MAPK6: variants seen among roughly 807,000 people sequenced by gnomAD.
MAPK6 encodes ERK-3.
Under a neutral mutation model 59.3 loss-of-function variants are expected in MAPK6, and 19 were observed. The observed-to-expected ratio is 0.32, with a 90% CI of 0.22 to 0.47. MAPK6 has a LOEUF of 0.47. Ranked by LOEUF, MAPK6 falls within the 20% of genes least tolerant of loss-of-function variation. The pLI is 1.00. For missense variants in MAPK6, 724 were observed against 847.9 expected, an observed-to-expected ratio of 0.85 and a Z score of 1.81; for synonymous variants, 316 against 290.3, an observed-to-expected ratio of 1.09 and a Z score of -0.90.
intron 2 of MAPK6, among the ~76,000 whole-genome samples, chr15:51,999,735 C>T (rs548339572): frequency 1.3e-5 from 2 of 152,284 alleles, no homozygotes; most frequent in African/African-American, 4.8e-5. Context: ...CCTCCACCTC[C>T]TGGGCTTAAG....
Position 52,066,949 on chromosome 15 carries a change from G to A in MAPK6, c.*1949G>A, listed in dbSNP as rs2032440205. The A allele has an allele frequency of 6.6e-6, 1 of 152,192 alleles. No homozygotes were observed. The highest frequency in any genetic ancestry group is 2.4e-5 in the African/African-American group (1 of 41,440). The allele number at this position is 152,192 out of a possible 1,614,324, so 9.4% of individuals were successfully genotyped here. On this transcript the variant is annotated 3_prime_UTR_variant, in exon 6 of 6. Coordinates refer to ENST00000261845, the MANE Select transcript of MAPK6 (RefSeq NM_002748.4). ...GGACACTTTTAGTTGGAGCTGGGTG[G>A]GGTGACAAGTGCAGAGGCTTTGAGT...
intron 2 of MAPK6, among the ~76,000 whole-genome samples, chr15:51,984,907 T>G (rs1359342751): frequency 6.6e-6 from 1 of 152,240 alleles, no homozygotes; most frequent in African/African-American, 2.4e-5. Context: ...CTTTATATAC[T>G]TCTGTGAGTT....
chr15:51,972,822 AT>A (rs1461874331), intron 1 of MAPK6, among the ~76,000 whole-genome samples: 1 of 151,110 alleles, frequency 6.6e-6, no homozygotes, highest in African/African-American at 2.4e-5. Flanking sequence ...TCTCAAAAAA[AT>A]AATAATAATA....
At chr15:52,058,983 CTGTT>C (rs888732243) in intron 4 of MAPK6, among the ~76,000 whole-genome samples, 186 bp downstream of exon 4, 6 of 152,170 alleles carry the variant, frequency 3.9e-5, no homozygotes, top group African/African-American at 1.4e-4. Context: ...GGGCTACGAT[CTGTT>C]TTTTTGGTTC....
Position 52,034,231 on chromosome 15 carries a change from C to T in MAPK6, c.-631-11599C>T, listed in dbSNP as rs374697490. ...AACTCCTCACCTCAGGTGATCCGCC[C>T]GCCTCAGCCTCCCAAAGTGCTGGGA... On this transcript the variant is annotated intron_variant, in intron 1 of 5. Coordinates refer to ENST00000261845, the MANE Select transcript of MAPK6 (RefSeq NM_002748.4). 3.9e-4 allele frequency among the ~76,000 whole-genome samples: 59 copies of T among 152,220 alleles called. 5 individuals are homozygous for T. The highest frequency in any genetic ancestry group is 3.9e-3 in the East Asian group (20 of 5,186).
chr15:52,063,027 A>G (rs1453262067), intron 5 of MAPK6, among the ~76,000 whole-genome samples: 2 of 152,150 alleles, frequency 1.3e-5, no homozygotes, highest in Admixed American at 6.5e-5. Flanking sequence ...AAATCTGCAA[A>G]CTACTTTTTT....
chr15:52,032,724 G>A (rs983647930), intron 1 of MAPK6, among the ~76,000 whole-genome samples: 5 of 149,992 alleles, frequency 3.3e-5, no homozygotes, highest in African/African-American at 4.9e-5. Flanking sequence ...CGCTCTTGTT[G>A]CCCAGGCTGG....
intron 3 of MAPK6, among the ~76,000 whole-genome samples, chr15:52,053,917 G>T (rs892311880): frequency 6.6e-6 from 1 of 151,972 alleles, no homozygotes; most frequent in African/African-American, 2.4e-5. Context: ...GATTACAGGT[G>T]TGAGCCACTA....
rs2032325389 is a variant in MAPK6, at chr15:52,064,306, G to T, written c.1472G>T (p.Gly491Val). 6.2e-7 allele frequency: 1 copy of T among 1,609,848 alleles called. No homozygotes were observed. The highest frequency in any genetic ancestry group is 1.3e-5 in the African/African-American group (1 of 74,674). The change falls in exon 6 of 6, where the codon GGC becomes GTC. Residue 491 changes from glycine (G) to valine (V), a missense_variant. Gly to Val is a moderately radical substitution (Grantham distance 109, BLOSUM62 -3). Around this residue, in one of 4 missense-constraint regions of MAPK6, gnomAD observed 502 missense variants for 507.6 expected, o/e 0.99. Transcript: ENST00000261845. ...AGCAAAGAAAAATCTGATAAGAAAG[G>T]CAAATCAAAATGTGAAAGGAATGGA... ...EQSKEKSDKK[G>V]KSKCERNGLV...
chr15:52,015,161 C>T (rs964266619), upstream of MAPK6, among the ~76,000 whole-genome samples: 6 of 151,832 alleles, frequency 4.0e-5, no homozygotes, highest in Non-Finnish European at 5.9e-5. Flanking sequence ...CCACCAGGCC[C>T]GGCTAATTTT....
chr15:51,992,918 T>C (rs2057214316), intron 2 of MAPK6, among the ~76,000 whole-genome samples: 1 of 152,136 alleles, frequency 6.6e-6, no homozygotes, highest in South Asian at 2.1e-4. Flanking sequence ...TGTTCACTTA[T>C]CTGGAAGCTC....
chr15:52,011,896 G>A (rs904569754), intron 3 of MAPK6, among the ~76,000 whole-genome samples: 2 of 152,214 alleles, frequency 1.3e-5, no homozygotes, highest in Non-Finnish European at 2.9e-5. Context: ...CAGACACACA[G>A]AAGCTTCAAG....
intron 1 of MAPK6, among the ~76,000 whole-genome samples, chr15:52,045,248 GT>G (rs2031562078): frequency 6.6e-6 from 1 of 152,088 alleles, no homozygotes; most frequent in Non-Finnish European, 1.5e-5. Context: ...AGAGATGCAT[GT>G]TTTTTCAATC....
upstream of MAPK6, among the ~76,000 whole-genome samples, chr15:52,018,478 C>T (rs1210614762): frequency 6.6e-6 from 1 of 152,194 alleles, no homozygotes; most frequent in Non-Finnish European, 1.5e-5. Flanking sequence ...TTCATAAATA[C>T]TTAAATTTCA....
intron 2 of MAPK6, among the ~76,000 whole-genome samples, chr15:51,990,567 G>T (rs1259675380): frequency 1.3e-5 from 2 of 152,206 alleles, no homozygotes; most frequent in Non-Finnish European, 2.9e-5. Context: ...TGTAATCCCA[G>T]TGCTTTCGGA....
At chr15:52,027,309 C>T (rs890857857) in intron 1 of MAPK6, among the ~76,000 whole-genome samples, 3 of 141,124 alleles carry the variant, frequency 2.1e-5, no homozygotes, top group East Asian at 2.1e-4. Context: ...GAGATCGTGC[C>T]ACTGTACTCC....
intron 1 of MAPK6, among the ~76,000 whole-genome samples, chr15:51,974,002 TC>T (rs1283314786): frequency 6.6e-6 from 1 of 151,904 alleles, no homozygotes; most frequent in Non-Finnish European, 1.5e-5. Context: ...TCATTATCTT[TC>T]TTCATAAAGG....
chr15:52,063,803 TCATAGACCTAGCACAGTGCTGTCA>T (rs1269184227), intron 5 of MAPK6, 75 bp from the exon 6 acceptor site: 23 of 1,041,488 alleles, frequency 2.2e-5, no homozygotes, highest in Non-Finnish European at 2.7e-6. Flanking sequence ...AATTATCCCC[TCATAGACCTAGCACAGTGCTGTCA>T]CATAGAAGGT....
intron 1 of MAPK6, among the ~76,000 whole-genome samples, chr15:52,044,465 C>T (rs889596352): frequency 6.6e-6 from 1 of 152,086 alleles, no homozygotes; most frequent in Non-Finnish European, 1.5e-5. Flanking sequence ...AGTAGTTGCT[C>T]AATATATGTT....
Sources: allele counts gnomAD v4.1 joint callset (sites outside exome capture counted in the v4.1 genomes callset), GRCh38; gene constraint gnomAD v4.1.1; regional missense constraint gnomAD v4.1.1; transcripts MANE v1.5; gene names NCBI Gene and HGNC (gene_info 2026-07-23, HGNC 2026-07-21).